ANKAR: variants seen among roughly 807,000 people sequenced by gnomAD.
ANKAR encodes ankyrin and armadillo repeat containing.
Under a neutral mutation model 146.2 loss-of-function variants are expected in ANKAR, and 136 were observed. That is an observed-to-expected ratio of 0.93 (90% confidence interval 0.81 to 1.07). The LOEUF (loss-of-function observed/expected upper bound fraction) is 1.07, where lower values mean the gene tolerates loss of function less well. Among genes scored for constraint, ANKAR ranks in the 50% least tolerant of loss-of-function variants. The pLI is 0.00. For synonymous variants in ANKAR, 500 were observed against 575.8 expected, an observed-to-expected ratio of 0.87 and a Z score of 1.88; for missense variants, 1,567 against 1,679.9, an observed-to-expected ratio of 0.93 and a Z score of 1.18.
intron 1 of ANKAR, chr2:189,675,844 G>A (rs56137655): frequency 0.11 from 17,397 of 152,240 alleles, 1,171 homozygotes; most frequent in Middle Eastern, 0.17. Context: ...GTGCTTTCCT[G>A]GCAGAGTGAA....
chr2:189,711,679 C>A (rs554948889), intron 10 of ANKAR, among the ~76,000 whole-genome samples: 2 of 152,146 alleles, frequency 1.3e-5, no homozygotes, highest in African/African-American at 2.4e-5. Flanking sequence ...CCAGCATGAT[C>A]GGCGCAGAAG....
chr2:189,746,587 A>C lies in ANKAR; in HGVS notation c.4265A>C (p.Lys1422Thr). 1 of 1,612,592 alleles carries C rather than the reference A, an allele frequency of 6.2e-7. No individual in the cohort carries two copies. The change falls in exon 23 of 23, where the codon AAA becomes ACA. Residue 1422 changes from lysine (K) to threonine (T), a missense_variant. Physicochemically the swap from Lys to Thr is moderately conservative, Grantham distance 78. Coordinates refer to ENST00000684021, the MANE Select transcript of ANKAR (RefSeq NM_001378068.1). ...PRIVCLNQLG[K>T]HVQKANPEPA... Reference sequence around the variant, plus strand: ...ATAGTGTGTTTGAACCAACTTGGGAAACATGTCCAGAAAGCCAACCCAGAG... The same window carrying C: ...ATAGTGTGTTTGAACCAACTTGGGACACATGTCCAGAAAGCCAACCCAGAG...
chr2:189,745,034 T>TAATA (rs1553537068), intron 22 of ANKAR, among the ~76,000 whole-genome samples: 4 of 150,814 alleles, frequency 2.7e-5, no homozygotes, highest in Non-Finnish European at 4.4e-5. Flanking sequence ...CTACTAATAA[T>TAATA]ACAAAAATTA....
At position 189,741,571 on chromosome 2, in the gene ANKAR, TACTA is replaced by T. The variant is rs536195581; in HGVS notation, c.3810+124_3810+127del. The T allele has an allele frequency of 1.1e-3, 608 of 557,136 alleles. 5 individuals are homozygous for T. The highest frequency in any genetic ancestry group is 0.01 in the African/African-American group (542 of 51,866). The allele number at this position is 557,136 out of a possible 1,614,324, so 34.5% of individuals were successfully genotyped here. ...GTTATAGATATAATATAATTCTTAT[TACTA>T]ACTCAAAATTACATGACTGTGTTAT... On this transcript the variant is annotated intron_variant, in intron 20 of 22. Transcript: ENST00000684021.
intron 13 of ANKAR, 77 bp downstream of exon 13, chr2:189,728,174 T>C (rs1264208651): frequency 7.3e-6 from 11 of 1,503,648 alleles, no homozygotes; most frequent in Admixed American, 7.1e-5. Flanking sequence ...ATAGAAAAAC[T>C]AAACCAATTC....
downstream of ANKAR, among the ~76,000 whole-genome samples, chr2:189,751,014 A>C (rs2105965197): frequency 6.6e-6 from 1 of 152,380 alleles, no homozygotes. Flanking sequence ...GCTAAAGTCA[A>C]ACCTGTATCC....
At chr2:189,727,469 G>A (rs960309541) in intron 12 of ANKAR, among the ~76,000 whole-genome samples, 4 of 126,534 alleles carry the variant, frequency 3.2e-5, no homozygotes, top group African/African-American at 9.0e-5. Context: ...GTAGTGAGCT[G>A]AGATCACACA....
At chr2:189,708,995 G>T (rs145451045) in intron 9 of ANKAR, among the ~76,000 whole-genome samples, 3 of 152,036 alleles carry the variant, frequency 2.0e-5, no homozygotes, top group African/African-American at 7.2e-5. Context: ...CTAGCTCCTC[G>T]GGAGGCTGAG....
intron 21 of ANKAR, among the ~76,000 whole-genome samples, chr2:189,744,176 A>G (rs1226328811): frequency 6.6e-6 from 1 of 152,232 alleles, no homozygotes; most frequent in African/African-American, 2.4e-5. Flanking sequence ...AATAGGACCC[A>G]TGTACAAACA....
At chr2:189,722,621 G>C (rs370469756) in intron 12 of ANKAR, among the ~76,000 whole-genome samples, 2 of 151,972 alleles carry the variant, frequency 1.3e-5, no homozygotes, top group Admixed American at 1.3e-4. Flanking sequence ...GGTAGCTCAC[G>C]CCTGTAATCC....
intron 2 of ANKAR, among the ~76,000 whole-genome samples, chr2:189,678,935 A>G (rs2034203796): frequency 6.6e-6 from 1 of 152,088 alleles, no homozygotes; most frequent in Admixed American, 6.6e-5. Flanking sequence ...ATGACATTTA[A>G]GATTATTTTT....
chr2:189,702,297 T>G (rs530086113), intron 7 of ANKAR, among the ~76,000 whole-genome samples: 2 of 152,298 alleles, frequency 1.3e-5, no homozygotes, highest in African/African-American at 4.8e-5. Context: ...TCTTCAATAT[T>G]CACTGTGAGG....
At chr2:189,757,159 TG>T (rs1438484988) in intron 18 of ANKAR, among the ~76,000 whole-genome samples, 5 of 152,196 alleles carry the variant, frequency 3.3e-5, no homozygotes, top group Non-Finnish European at 5.9e-5. Flanking sequence ...CACTGAGGCT[TG>T]AAGCTATAGC....
Position 189,695,127 on chromosome 2 carries a change from A to C in ANKAR, c.1454A>C (p.Lys485Thr). Residue 485 changes from lysine (K) to threonine (T), a missense_variant, in exon 6 of 23, where the codon AAA becomes ACA. Lys to Thr is a moderately conservative substitution (Grantham distance 78). Transcript: ENST00000684021. ...TDAQLHEQFK[K>T]KLGFKRAMKC... Reference sequence around the variant, plus strand: ...GCTCAATTACATGAACAATTTAAGAAAAAGCTTGGTTTCAAAAGAGCTATG... The same window carrying C: ...GCTCAATTACATGAACAATTTAAGACAAAGCTTGGTTTCAAAAGAGCTATG... The C allele has an allele frequency of 6.2e-7, 1 of 1,607,392 alleles. No individual in the cohort carries two copies. The highest frequency in any genetic ancestry group is 1.1e-5 in the South Asian group (1 of 90,034).
intron 2 of ANKAR, among the ~76,000 whole-genome samples, chr2:189,683,562 A>T (rs930358556): frequency 2.6e-5 from 4 of 152,182 alleles, no homozygotes; most frequent in African/African-American, 9.7e-5. Flanking sequence ...GACTCATGGA[A>T]ACTTGGCTGC....
In ANKAR at chr2:189,743,570, T is replaced by C. The variant is rs1216787742; in HGVS notation, c.4010+96T>C. ...ATCCAACAAGAGGAACTATTCTTGA[T>C]ATGAACATATCTCCTGTATAGCAGA... On this transcript the variant is annotated intron_variant, in intron 21 of 22. Coordinates refer to ENST00000684021, the MANE Select transcript of ANKAR (RefSeq NM_001378068.1). 6.4e-6 allele frequency: 7 copies of C among 1,088,056 alleles called. No individual in the cohort carries two copies. In the Admixed American group the frequency reaches 1.4e-4, roughly 22 times the overall value. 67.4% of individuals were successfully genotyped at this position (1,088,056 alleles called of 1,614,324 possible). A position where few individuals can be genotyped will look rare whatever the true frequency, so the allele number is the denominator to read the frequency against.
chr2:189,700,140 C>A (rs547019341), intron 7 of ANKAR, among the ~76,000 whole-genome samples: 33 of 151,802 alleles, frequency 2.2e-4, no homozygotes, highest in African/African-American at 7.5e-4. Context: ...TTTAACATGC[C>A]TTGCAGGGCA....
chr2:189,691,711 G>T (rs969971209), intron 3 of ANKAR, among the ~76,000 whole-genome samples: 7 of 147,494 alleles, frequency 4.7e-5, no homozygotes, highest in South Asian at 4.2e-4. Context: ...ATATATTTGA[G>T]ATATATATAT....
At position 189,686,139 on chromosome 2, in the gene ANKAR, A is replaced by C. The variant is rs532431669; in HGVS notation, c.602-3388A>C. ...TCATTTCTTTGTAATTTATCTAACTATTTTGCAGAAAAGAGATGAATTATA... is the reference window on the plus strand; with the variant it reads ...TCATTTCTTTGTAATTTATCTAACTCTTTTGCAGAAAAGAGATGAATTATA... On this transcript the variant is annotated intron_variant, in intron 2 of 22. Transcript: ENST00000684021. 1.1e-4 allele frequency among the ~76,000 whole-genome samples: 16 copies of C among 152,218 alleles called. No homozygotes were observed. The South Asian group carries it at 3.3e-3, about 32-fold the overall frequency.
Sources: gnomAD v4.1 joint callset for allele counts (sites outside exome capture counted in the v4.1 genomes callset) on GRCh38, gnomAD v4.1.1 for gene constraint, MANE v1.5 for transcripts, NCBI Gene and HGNC (gene_info 2026-07-23, HGNC 2026-07-21) for gene names.